The following CDH10 variants were observed in gnomAD, a reference collection of about 807,000 sequenced individuals.
The protein encoded by CDH10 is cadherin 10.
A neutral mutation model predicts 73.1 loss-of-function variants in CDH10; 30 were observed. The observed-to-expected ratio is 0.41, with a 90% CI of 0.31 to 0.56. The LOEUF is 0.56. CDH10 is among the 20% of genes least tolerant of loss of function. CDH10 has a pLI of 0.27. For missense variants in CDH10, 815 were observed against 973.7 expected, an observed-to-expected ratio of 0.84 and a Z score of 2.17; for synonymous variants, 345 against 348.2, an observed-to-expected ratio of 0.99 and a Z score of 0.10.
rs865864231 is a variant in CDH10, at chr5:24,509,642, G to A, written c.1180C>T (p.His394Tyr). 1 of 1,613,362 alleles carries A rather than the reference G, an allele frequency of 6.2e-7. No individual in the cohort carries two copies. Among genetic ancestry groups the A allele is most frequent in the Non-Finnish European group, 8.5e-7 (1 of 1,179,360 alleles). Reference sequence around the variant, plus strand: ...ATTGTGCCCACTTCAATATCTTCATGAACTTCAAACAGATAGGAGGACCTA... The same window carrying A: ...ATTGTGCCCACTTCAATATCTTCATAAACTTCAAACAGATAGGAGGACCTA... ...FSRSSYLFEV[H>Y]EDIEVGTIIG... The change falls in exon 7 of 12, where the codon CAT becomes TAT. Residue 394 changes from histidine (H) to tyrosine (Y), a missense_variant. Coordinates refer to ENST00000264463, the MANE Select transcript of CDH10 (RefSeq NM_006727.5).
chr5:24,544,083 C>G (rs1744251735), intron 2 of CDH10, among the ~76,000 whole-genome samples: 1 of 152,126 alleles, frequency 6.6e-6, no homozygotes, highest in South Asian at 2.1e-4. Context: ...ATCATGAGGT[C>G]AACAGATCGA....
At chr5:24,488,191 C>G (rs1301944932) in intron 11 of CDH10, 38 bp from the exon 12 acceptor site, 2 of 1,517,132 alleles carry the variant, frequency 1.3e-6, no homozygotes, top group Non-Finnish European at 1.8e-6. Flanking sequence ...GACGTCCGTT[C>G]AAAACACTAT....
At chr5:24,551,519 T>C (rs1044219573) in intron 2 of CDH10, among the ~76,000 whole-genome samples, 1 of 152,160 alleles carries the variant, frequency 6.6e-6, no homozygotes, top group African/African-American at 2.4e-5. Flanking sequence ...CTTTGTATCT[T>C]ACTCAAAAAT....
chr5:24,635,228 G>T (rs1297692826), intron 1 of CDH10, among the ~76,000 whole-genome samples: 1 of 151,794 alleles, frequency 6.6e-6, no homozygotes, highest in African/African-American at 2.4e-5. Flanking sequence ...AGATTTATAG[G>T]TATCAAAACG....
chr5:24,500,438 A>G (rs1202166064), intron 8 of CDH10, among the ~76,000 whole-genome samples: 1 of 152,256 alleles, frequency 6.6e-6, no homozygotes, highest in African/African-American at 2.4e-5. Flanking sequence ...ACATGGATTC[A>G]GTCGTCAGGT....
chr5:24,491,693 A>C lies in CDH10; in HGVS notation c.1759T>G (p.Cys587Gly), dbSNP rs1407551586. 6.2e-7 allele frequency: 1 copy of C among 1,613,974 alleles called. No individual in the cohort carries two copies. Among genetic ancestry groups the C allele is most frequent in the Admixed American group, 1.7e-5 (1 of 59,998 alleles). The change falls in exon 11 of 12, where the codon TGT becomes GGT. Residue 587 changes from cysteine (C) to glycine (G), a missense_variant. Around this residue, in one of 3 missense-constraint regions of CDH10, gnomAD observed 516 missense variants for 636.6 expected, o/e 0.81. Transcript: ENST00000264463. ...ATGTTGCCTTGGCTGTCACAAGCAC[A>C]CACTCGAATGGTCAGTGTGCCTGTG... The part of the protein sequence containing the change: ...SSTGTLTIRV[C>G]ACDSQGNMQS...
At chr5:24,600,523 G>A (rs149625806) in intron 1 of CDH10, among the ~76,000 whole-genome samples, 122 of 152,214 alleles carry the variant, frequency 8.0e-4, no homozygotes, top group African/African-American at 2.9e-3. Context: ...ATCCAAACAC[G>A]GGTGGTCTGA....
At chr5:24,573,755 T>C (rs1745487976) in intron 2 of CDH10, among the ~76,000 whole-genome samples, 1 of 148,986 alleles carries the variant, frequency 6.7e-6, no homozygotes, top group Non-Finnish European at 1.5e-5. Flanking sequence ...AGTTCAATTT[T>C]CAATTATCAT....
intron 1 of CDH10, among the ~76,000 whole-genome samples, chr5:24,626,034 C>T (rs1235699405): frequency 2.6e-5 from 4 of 151,856 alleles, no homozygotes; most frequent in Non-Finnish European, 4.4e-5. Flanking sequence ...GTAAATTAAG[C>T]CTAAAAGCTT....
At chr5:24,494,158 T>C (rs1561120848) in intron 9 of CDH10, among the ~76,000 whole-genome samples, 1 of 151,850 alleles carries the variant, frequency 6.6e-6, no homozygotes, top group East Asian at 1.9e-4. Context: ...AAGTACATTT[T>C]AAAAACATAG....
chr5:24,643,728 T>C, intron 1 of CDH10, among the ~76,000 whole-genome samples: 1 of 152,162 alleles, frequency 6.6e-6, no homozygotes, highest in East Asian at 1.9e-4. Context: ...TAGACTCCCC[T>C]TTTTTCATAA....
intron 1 of CDH10, among the ~76,000 whole-genome samples, chr5:24,625,941 T>TA (rs1243109458): frequency 2.6e-5 from 4 of 152,102 alleles, no homozygotes; most frequent in Non-Finnish European, 5.9e-5. Flanking sequence ...CTTGGGCTCT[T>TA]ACATTGAATC....
intron 1 of CDH10, among the ~76,000 whole-genome samples, chr5:24,617,285 C>G (rs1245380958): frequency 2.6e-5 from 4 of 152,054 alleles, no homozygotes; most frequent in Non-Finnish European, 5.9e-5. Flanking sequence ...CAGATACTGC[C>G]AAATACTATC....
At chr5:24,505,017 A>G in intron 8 of CDH10, 95 bp downstream of exon 8, 1 of 856,520 alleles carries the variant, frequency 1.2e-6, no homozygotes, top group Non-Finnish European at 1.8e-6. Context: ...ATTATTTTTA[A>G]TGTAAAATAA....
At chr5:24,611,086 T>G (rs1746930930) in intron 1 of CDH10, among the ~76,000 whole-genome samples, 2 of 152,222 alleles carry the variant, frequency 1.3e-5, no homozygotes, top group Admixed American at 1.3e-4. Flanking sequence ...TCCTTACCTT[T>G]TTATACCCAG....
chr5:24,634,651 C>T (rs760145281), intron 1 of CDH10, among the ~76,000 whole-genome samples: 8 of 151,656 alleles, frequency 5.3e-5, no homozygotes, highest in Non-Finnish European at 7.4e-5. Flanking sequence ...ATGGCAAATA[C>T]GAGCATTATC....
At chr5:24,568,109 T>C (rs1579819478) in intron 2 of CDH10, among the ~76,000 whole-genome samples, 1 of 152,156 alleles carries the variant, frequency 6.6e-6, no homozygotes, top group Non-Finnish European at 1.5e-5. Flanking sequence ...ACTGTTTGCC[T>C]GAATTATTTT....
chr5:24,510,945 G>A (rs1742880048), intron 6 of CDH10, among the ~76,000 whole-genome samples: 2 of 152,128 alleles, frequency 1.3e-5, no homozygotes, highest in Admixed American at 1.3e-4. Flanking sequence ...TCATCATCTG[G>A]ATAGATGGCA....
chr5:24,601,224 T>G (rs568691601), intron 1 of CDH10, among the ~76,000 whole-genome samples: 44 of 152,294 alleles, frequency 2.9e-4, no homozygotes, highest in African/African-American at 9.9e-4. Context: ...CATATCATCA[T>G]GGACTTTTGT....
Sources: allele counts gnomAD v4.1 joint callset (sites outside exome capture counted in the v4.1 genomes callset), GRCh38; gene constraint gnomAD v4.1.1; regional missense constraint gnomAD v4.1.1; transcripts MANE v1.5; gene names NCBI Gene and HGNC (gene_info 2026-07-23, HGNC 2026-07-21).